Variants in ADAM12 observed in about 807,000 individuals in gnomAD.
The protein encoded by ADAM12 is ADAM metallopeptidase domain 12, also known as disintegrin and metalloproteinase domain-containing protein 12.
In ADAM12, 70 loss-of-function variants were observed where a neutral mutation model predicts 106.4. The observed-to-expected ratio is 0.66, with a 90% CI of 0.54 to 0.80. ADAM12 has a LOEUF of 0.80. Ranked by LOEUF, ADAM12 falls within the 30% of genes least tolerant of loss-of-function variation. The pLI is 0.00. For synonymous variants in ADAM12, 420 were observed against 433.5 expected (o/e 0.97, Z 0.39); for missense variants, 1,010 against 1,171.9 (o/e 0.86, Z 2.02).
intron 2 of ADAM12, among the ~76,000 whole-genome samples, chr10:126,295,348 G>A (rs1392052104): frequency 1.3e-5 from 2 of 152,114 alleles, no homozygotes; most frequent in African/African-American, 4.8e-5. Context: ...GACAGGGATG[G>A]CACATAAGAA....
chr10:126,223,813 T>C (rs1958141963), intron 3 of ADAM12, among the ~76,000 whole-genome samples: 1 of 152,186 alleles, frequency 6.6e-6, no homozygotes, highest in South Asian at 2.1e-4. Flanking sequence ...AGGGGAAAGC[T>C]GTGCATTGGG....
chr10:126,211,346 T>C (rs911413296), intron 3 of ADAM12, among the ~76,000 whole-genome samples: 14 of 152,212 alleles, frequency 9.2e-5, no homozygotes, highest in Admixed American at 5.2e-4. Flanking sequence ...GGCTCAGCAA[T>C]TGGTCCTCAA....
intron 3 of ADAM12, among the ~76,000 whole-genome samples, chr10:126,219,383 C>T (rs1228656970): frequency 1.3e-5 from 2 of 152,246 alleles, no homozygotes; most frequent in Admixed American, 6.5e-5. Context: ...CTTTTCTCCC[C>T]GTGGGCCAGC....
At chr10:126,133,658 G>A (rs1034017327) in intron 5 of ADAM12, among the ~76,000 whole-genome samples, 17 of 152,270 alleles carry the variant, frequency 1.1e-4, no homozygotes, top group African/African-American at 3.9e-4. Context: ...ATCACTGGGG[G>A]GGAGGCCAAA....
At chr10:126,039,771 C>A (rs1323395052) in intron 18 of ADAM12, among the ~76,000 whole-genome samples, 1 of 152,346 alleles carries the variant, frequency 6.6e-6, no homozygotes, top group Admixed American at 6.5e-5. Context: ...TCACTGAAGC[C>A]TCACTGGAAT....
At chr10:126,326,951 T>C (rs1854324736) in intron 2 of ADAM12, among the ~76,000 whole-genome samples, 1 of 152,122 alleles carries the variant, frequency 6.6e-6, no homozygotes, top group Non-Finnish European at 1.5e-5. Flanking sequence ...ATAATCCAGA[T>C]TTGGGAATGA....
In ADAM12 at chr10:126,066,101, G is replaced by A. The variant is rs977541578; in HGVS notation, c.1413+616C>T. On this transcript the variant is annotated intron_variant, in intron 13 of 22. Coordinates refer to ENST00000448723, the MANE Select transcript of ADAM12 (RefSeq NM_001288973.2). This position sits in a 1 kb window ranked among gnomAD's most constrained non-coding sequence, Gnocchi z 5.1. ...AAAATGAAATAAAACTCTACCCTTG[G>A]AACTGTTGAATCAAAAGCTCAGGCT... Among the ~76,000 whole-genome samples the A allele has an allele frequency of 6.6e-6, 1 of 152,178 alleles. No individual in the cohort carries two copies. The highest frequency in any genetic ancestry group is 1.5e-5 in the Non-Finnish European group (1 of 68,038).
intron 4 of ADAM12, among the ~76,000 whole-genome samples, chr10:126,145,198 G>A (rs545546689): frequency 1.3e-5 from 2 of 152,286 alleles, no homozygotes; most frequent in South Asian, 4.1e-4. Flanking sequence ...AGTATGGGAT[G>A]TTTACTGGTC....
Position 126,279,833 on chromosome 10 carries a change from T to C in ADAM12, c.187-845A>G, listed in dbSNP as rs551662584. ...GAGACCTCATTCTTCCTGGTCAGCATTGCATGAGTGCAGAAAGTGGAGACT... is the reference window on the plus strand; with the variant it reads ...GAGACCTCATTCTTCCTGGTCAGCACTGCATGAGTGCAGAAAGTGGAGACT... On this transcript the variant is annotated intron_variant, in intron 2 of 22. Transcript: ENST00000448723. 1.2e-3 allele frequency among the ~76,000 whole-genome samples: 189 copies of C among 152,250 alleles called. 4 individuals are homozygous for C. The South Asian group carries it at 0.037, about 30-fold the overall frequency.
intron 1 of ADAM12, among the ~76,000 whole-genome samples, chr10:126,371,472 G>A (rs1856111980): frequency 6.6e-6 from 1 of 152,216 alleles, no homozygotes; most frequent in Non-Finnish European, 1.5e-5. Context: ...AACAATCTTA[G>A]TAGTGTGGGA....
At chr10:126,080,846 A>T (rs763769325) in intron 11 of ADAM12, among the ~76,000 whole-genome samples, 2 of 152,182 alleles carry the variant, frequency 1.3e-5, no homozygotes, top group African/African-American at 2.4e-5. Flanking sequence ...GCTGCCAAGT[A>T]AAATATTATT....
intron 2 of ADAM12, among the ~76,000 whole-genome samples, chr10:126,323,166 C>T (rs1288099676): frequency 2.0e-5 from 3 of 152,200 alleles, no homozygotes; most frequent in Non-Finnish European, 2.9e-5. Flanking sequence ...ACACCATTGG[C>T]TGGCTTGGAA....
chr10:126,038,488 T>TAATA, intron 19 of ADAM12, 139 bp from the exon 20 acceptor site: 1 of 604,412 alleles, frequency 1.7e-6, no homozygotes, highest in Middle Eastern at 2.6e-4. Context: ...AAAAATTACC[T>TAATA]AATAACACTC....
intron 2 of ADAM12, among the ~76,000 whole-genome samples, chr10:126,311,183 T>C (rs890237765): frequency 2.0e-5 from 3 of 151,318 alleles, no homozygotes; most frequent in Non-Finnish European, 2.9e-5. Context: ...AGACTCCTCA[T>C]TGGTTTTCTG....
chr10:126,067,613 A>G (rs1954898652), intron 12 of ADAM12, among the ~76,000 whole-genome samples: 1 of 152,248 alleles, frequency 6.6e-6, no homozygotes, highest in Non-Finnish European at 1.5e-5. Flanking sequence ...GTTCTCAACA[A>G]AAGGCCTGCA....
chr10:126,247,355 G>A (rs1291295412), intron 3 of ADAM12, among the ~76,000 whole-genome samples: 1 of 152,090 alleles, frequency 6.6e-6, no homozygotes, highest in African/African-American at 2.4e-5. Flanking sequence ...AAATAGTTTC[G>A]ATTCCACTCA....
chr10:126,378,864 T>C (rs1856391396), intron 1 of ADAM12, among the ~76,000 whole-genome samples: 1 of 152,240 alleles, frequency 6.6e-6, no homozygotes, highest in Admixed American at 6.5e-5. Context: ...TTTTATATGA[T>C]ATTCTCAAAT....
intron 6 of ADAM12, 25 bp from the exon 7 acceptor site, chr10:126,109,865 A>C: frequency 6.2e-7 from 1 of 1,605,016 alleles, no homozygotes; most frequent in Non-Finnish European, 8.5e-7. Context: ...CATGCACTTA[A>C]TCTCTCTTAA....
intron 1 of ADAM12, among the ~76,000 whole-genome samples, chr10:126,352,408 T>C (rs1002167301): frequency 1.3e-5 from 2 of 152,250 alleles, no homozygotes; most frequent in Non-Finnish European, 2.9e-5. Flanking sequence ...AAAATGTGTA[T>C]ACTGACTTAA....
Sources: allele counts gnomAD v4.1 joint callset (sites outside exome capture counted in the v4.1 genomes callset), GRCh38; gene constraint gnomAD v4.1.1; non-coding constraint Gnocchi (gnomAD v3.1); transcripts MANE v1.5; gene names NCBI Gene and HGNC (gene_info 2026-07-23, HGNC 2026-07-21).